SORCS3: variants seen among roughly 807,000 people sequenced by gnomAD.
SORCS3 encodes the protein VPS10 domain-containing receptor SorCS3.
A neutral mutation model predicts 146.3 loss-of-function variants in SORCS3; 57 were observed. The observed-to-expected ratio is 0.39, with a 90% CI of 0.31 to 0.49. SORCS3 has a LOEUF of 0.49. Among genes scored for constraint, SORCS3 ranks in the 20% least tolerant of loss-of-function variants. SORCS3 has a pLI of 0.92. For synonymous variants in SORCS3, 653 were observed against 618.5 expected (o/e 1.06, Z -0.83); for missense variants, 1,341 against 1,575.5 (o/e 0.85, Z 2.52).
chr10:105,013,894 T>G (rs994438440), intron 4 of SORCS3, among the ~76,000 whole-genome samples: 6 of 151,840 alleles, frequency 4.0e-5, no homozygotes, highest in African/African-American at 7.3e-5. Flanking sequence ...ATAAAGGGTG[T>G]GTGGTTGGAG....
At chr10:104,898,015 G>A (rs1046339645) in intron 2 of SORCS3, among the ~76,000 whole-genome samples, 2 of 152,168 alleles carry the variant, frequency 1.3e-5, no homozygotes, top group African/African-American at 4.8e-5. Context: ...TGACAGAATG[G>A]CTTAGGGTAG....
chr10:104,683,666 GA>G (rs2016006010), intron 1 of SORCS3, among the ~76,000 whole-genome samples: 1 of 152,210 alleles, frequency 6.6e-6, no homozygotes, highest in Non-Finnish European at 1.5e-5. Flanking sequence ...TTGGAGAGGG[GA>G]AGCTAGGTAT....
At chr10:104,711,580 C>T (rs2016417155) in intron 1 of SORCS3, among the ~76,000 whole-genome samples, 1 of 152,250 alleles carries the variant, frequency 6.6e-6, no homozygotes, top group Non-Finnish European at 1.5e-5. Flanking sequence ...CAGCTCAGGC[C>T]ACACTCACTT....
chr10:104,970,683 C>G (rs1054376607), intron 3 of SORCS3, among the ~76,000 whole-genome samples: 2 of 152,018 alleles, frequency 1.3e-5, no homozygotes, highest in African/African-American at 4.8e-5. Context: ...TTGCTGATAA[C>G]TAGTGATGAC....
intron 20 of SORCS3, among the ~76,000 whole-genome samples, chr10:105,240,723 G>A (rs992455650): frequency 6.6e-6 from 1 of 152,026 alleles, no homozygotes; most frequent in Admixed American, 6.6e-5. Flanking sequence ...TACTTACTGA[G>A]TTTTGGAAAA....
At chr10:104,707,443 T>A (rs544153496) in intron 1 of SORCS3, among the ~76,000 whole-genome samples, 1 of 152,244 alleles carries the variant, frequency 6.6e-6, no homozygotes, top group South Asian at 2.1e-4. Flanking sequence ...GTAATTGAGA[T>A]CTAAAGACCC....
At chr10:105,061,597 C>T (rs1238070613) in intron 5 of SORCS3, among the ~76,000 whole-genome samples, 3 of 149,844 alleles carry the variant, frequency 2.0e-5, no homozygotes, top group Non-Finnish European at 4.4e-5. Flanking sequence ...GCCTGGCCCC[C>T]TTTTTTTAAA....
At chr10:104,668,374 A>G (rs547012418) in intron 1 of SORCS3, among the ~76,000 whole-genome samples, 1 of 152,222 alleles carries the variant, frequency 6.6e-6, no homozygotes, top group African/African-American at 2.4e-5. Context: ...TAAGTGTTAC[A>G]TGGGGAGTGA....
At chr10:104,753,974 G>A (rs2017017494) in intron 1 of SORCS3, among the ~76,000 whole-genome samples, 1 of 152,192 alleles carries the variant, frequency 6.6e-6, no homozygotes, top group South Asian at 2.1e-4. Flanking sequence ...ATCCTGTAAA[G>A]AGTCTTAATT....
At chr10:105,046,184 G>A (rs1182149182) in intron 5 of SORCS3, among the ~76,000 whole-genome samples, 1 of 152,074 alleles carries the variant, frequency 6.6e-6, no homozygotes, top group Non-Finnish European at 1.5e-5. Context: ...TGAAATGAGA[G>A]ACGATGTTAA....
At chr10:104,809,444 A>G (rs996765729) in intron 1 of SORCS3, among the ~76,000 whole-genome samples, 12 of 152,360 alleles carry the variant, frequency 7.9e-5, no homozygotes, top group African/African-American at 2.6e-4. Context: ...TGGTTCTCAA[A>G]GAGCAAGTAG....
At chr10:105,016,155 A>ATATATATATATATATTT (rs71482443) in intron 4 of SORCS3, among the ~76,000 whole-genome samples, 21 of 101,312 alleles carry the variant, frequency 2.1e-4, no homozygotes, top group African/African-American at 8.7e-4. Context: ...ATATATATAT[A>ATATATATATATATATTT]TTTTTTTTTT....
intron 1 of SORCS3, among the ~76,000 whole-genome samples, chr10:104,785,383 G>A (rs1320218844): frequency 2.8e-5 from 4 of 141,022 alleles, no homozygotes; most frequent in Admixed American, 1.4e-4. Context: ...CTTGAAGGCA[G>A]CATGCTCGTT....
At chr10:104,863,548 G>A (rs998008716) in intron 2 of SORCS3, among the ~76,000 whole-genome samples, 1 of 152,140 alleles carries the variant, frequency 6.6e-6, no homozygotes, top group Non-Finnish European at 1.5e-5. Context: ...GGCTTCTTGA[G>A]GTTACCCATA....
intron 20 of SORCS3, among the ~76,000 whole-genome samples, chr10:105,231,256 G>A (rs555075459): frequency 3.9e-5 from 6 of 152,208 alleles, no homozygotes; most frequent in Non-Finnish European, 5.9e-5. Context: ...AGTATGAGCT[G>A]CCTTTGGTCA....
chr10:105,217,145 G>A (rs370009282), intron 19 of SORCS3, 23 bp downstream of exon 19: 56 of 1,611,072 alleles, frequency 3.5e-5, no homozygotes, highest in Middle Eastern at 1.8e-4. Context: ...CACCATCCCC[G>A]TTTTCCCTTT....
chr10:104,662,029 A>ACTAT (rs1350361951), intron 1 of SORCS3, among the ~76,000 whole-genome samples: 1 of 152,146 alleles, frequency 6.6e-6, no homozygotes, highest in Non-Finnish European at 1.5e-5. Flanking sequence ...GGAGGTTATT[A>ACTAT]CTATCTCTCT....
chr10:104,905,081 G>A (rs1165766329), intron 2 of SORCS3, among the ~76,000 whole-genome samples: 2 of 152,140 alleles, frequency 1.3e-5, no homozygotes, highest in African/African-American at 4.8e-5. Context: ...TACTGAGATT[G>A]TTTTTCATGC....
intron 5 of SORCS3, 120 bp downstream of exon 5, chr10:105,043,248 C>T (rs1264305185): frequency 2.1e-5 from 18 of 843,910 alleles, no homozygotes; most frequent in South Asian, 1.5e-4. Context: ...TCCTTTGCTA[C>T]ACAGAGTGGT....
Sources: allele counts gnomAD v4.1 joint callset (sites outside exome capture counted in the v4.1 genomes callset), GRCh38; gene constraint gnomAD v4.1.1; transcripts MANE v1.5; gene names NCBI Gene and HGNC (gene_info 2026-07-23, HGNC 2026-07-21).